Variants in OTUD7A observed in about 807,000 individuals in gnomAD.
OTUD7A encodes the protein OTU deubiquitinase 7A.
In OTUD7A, 12 loss-of-function variants were observed where a neutral mutation model predicts 65.7. The observed-to-expected ratio is 0.18, with a 90% confidence interval of 0.12 to 0.30. The LOEUF is 0.30. Among genes scored for constraint, OTUD7A ranks in the 10% least tolerant of loss-of-function variants. OTUD7A has a pLI of 1.00. For synonymous variants in OTUD7A, 641 were observed against 586.3 expected (o/e 1.09, Z -1.35); for missense variants, 1,148 against 1,304.8 (o/e 0.88, Z 1.85).
chr15:31,515,090 G>A (rs958385924), intron 8 of OTUD7A, among the ~76,000 whole-genome samples: 6 of 152,158 alleles, frequency 3.9e-5, no homozygotes, highest in Non-Finnish European at 8.8e-5. Context: ...AACAGCACAG[G>A]GGGAGAGAAT....
intron 8 of OTUD7A, among the ~76,000 whole-genome samples, 169 bp from the exon 9 acceptor site, chr15:31,503,987 C>T (rs1380713318): frequency 6.6e-6 from 1 of 152,212 alleles, no homozygotes; most frequent in East Asian, 1.9e-4. Flanking sequence ...CCGCCGATGG[C>T]AAATGCACAG....
At chr15:31,679,816 A>T (rs1488131043) in intron 1 of OTUD7A, among the ~76,000 whole-genome samples, 5 of 152,226 alleles carry the variant, frequency 3.3e-5, no homozygotes, top group Non-Finnish European at 5.9e-5. Context: ...GATAAAACTG[A>T]TAATAGCAAA....
intron 3 of OTUD7A, among the ~76,000 whole-genome samples, chr15:31,594,681 T>C (rs1889850655): frequency 6.6e-6 from 1 of 152,224 alleles, no homozygotes; most frequent in Non-Finnish European, 1.5e-5. Flanking sequence ...GCTGGATCTC[T>C]ATGTCTACAA....
At chr15:31,547,244 G>A (rs1447205151) in intron 5 of OTUD7A, among the ~76,000 whole-genome samples, 6 of 151,582 alleles carry the variant, frequency 4.0e-5, no homozygotes, top group African/African-American at 1.4e-4. Flanking sequence ...ATGCAAAAGA[G>A]TATGTCTGAA....
intron 3 of OTUD7A, among the ~76,000 whole-genome samples, chr15:31,621,794 C>T (rs183786557): frequency 0.26 from 36,629 of 141,502 alleles, 5,921 homozygotes; most frequent in African/African-American, 0.44. Context: ...ATGTGTGAAT[C>T]TGATACTGCC....
At chr15:31,633,268 C>G (rs1489399923) in intron 3 of OTUD7A, among the ~76,000 whole-genome samples, 1 of 152,136 alleles carries the variant, frequency 6.6e-6, no homozygotes, top group Non-Finnish European at 1.5e-5. Flanking sequence ...CTTGGCTCCA[C>G]CCCCCTGTAT....
At chr15:31,694,820 C>A (rs1893037320) in intron 1 of OTUD7A, among the ~76,000 whole-genome samples, 1 of 152,028 alleles carries the variant, frequency 6.6e-6, no homozygotes, top group South Asian at 2.1e-4. Context: ...GAATATTATC[C>A]ATTGTGTATT....
intron 4 of OTUD7A, among the ~76,000 whole-genome samples, chr15:31,568,060 C>T (rs1888932009): frequency 6.6e-6 from 1 of 152,260 alleles, no homozygotes; most frequent in Non-Finnish European, 1.5e-5. Context: ...TTGGAGGCCC[C>T]ACACAGAGTC....
chr15:31,793,599 C>T (rs58350992), intron 1 of OTUD7A, among the ~76,000 whole-genome samples: 3,551 of 152,346 alleles, frequency 0.023, 131 homozygotes, highest in African/African-American at 0.081. Context: ...TACGAAGGTG[C>T]CATTTTCTTA....
intron 1 of OTUD7A, among the ~76,000 whole-genome samples, chr15:31,753,946 T>C (rs925223222): frequency 6.6e-6 from 1 of 151,890 alleles, no homozygotes; most frequent in African/African-American, 2.4e-5. Context: ...TCCACACTGT[T>C]TTCCATAGTG....
chr15:31,627,419 C>A (rs189943256), intron 3 of OTUD7A, among the ~76,000 whole-genome samples: 3,123 of 152,098 alleles, frequency 0.021, 101 homozygotes, highest in African/African-American at 0.072. Context: ...AGGACATGAA[C>A]TCACCATTTT....
chr15:31,790,911 G>A (rs1252028440), intron 1 of OTUD7A, among the ~76,000 whole-genome samples: 1 of 152,200 alleles, frequency 6.6e-6, no homozygotes, highest in Non-Finnish European at 1.5e-5. Context: ...CTTGACAATG[G>A]AGACACCTAT....
At chr15:31,833,965 A>G (rs1896995292) in intron 1 of OTUD7A, among the ~76,000 whole-genome samples, 2 of 152,218 alleles carry the variant, frequency 1.3e-5, no homozygotes, top group African/African-American at 4.8e-5. Flanking sequence ...CACATTCTTC[A>G]GAGCCTTTCT....
intron 1 of OTUD7A, among the ~76,000 whole-genome samples, chr15:31,696,633 T>C (rs1444384499): frequency 2.0e-5 from 3 of 147,802 alleles, no homozygotes; most frequent in African/African-American, 7.5e-5. Flanking sequence ...TGTGTCCCAG[T>C]GCTCAGAGGC....
chr15:31,562,979 T>A (rs1403129539), intron 4 of OTUD7A, among the ~76,000 whole-genome samples: 1 of 152,206 alleles, frequency 6.6e-6, no homozygotes, highest in Non-Finnish European at 1.5e-5. Flanking sequence ...TAAATTTAAT[T>A]CAGAAACTCT....
At chr15:31,817,649 GT>G (rs1045015273) in intron 1 of OTUD7A, among the ~76,000 whole-genome samples, 6 of 152,116 alleles carry the variant, frequency 3.9e-5, no homozygotes, top group East Asian at 1.9e-4. Flanking sequence ...AGCTTCCTGG[GT>G]TTTTGGTAAG....
chr15:31,752,551 A>G (rs1188007721), intron 1 of OTUD7A, among the ~76,000 whole-genome samples: 1 of 152,118 alleles, frequency 6.6e-6, no homozygotes, highest in Non-Finnish European at 1.5e-5. Flanking sequence ...TTCATGCATA[A>G]TTTTGCTACA....
At position 31,481,956 on chromosome 15, in the gene OTUD7A, T is replaced by C. The variant is rs760026016; in HGVS notation, c.*1338A>G. The C allele has an allele frequency of 1.3e-5, 2 of 152,236 alleles. No individual in the cohort carries two copies. Among genetic ancestry groups the C allele is most frequent in the Non-Finnish European group, 2.9e-5 (2 of 68,036 alleles). 9.4% of individuals were successfully genotyped at this position (152,236 alleles called of 1,614,324 possible). ...TAGTATTCTTTGTTAGTGAGGATTT[T>C]ACCCATCTTATCCTCATTTCTTGGA... On this transcript the variant is annotated 3_prime_UTR_variant, in exon 13 of 13. Coordinates refer to ENST00000307050, the MANE Select transcript of OTUD7A (RefSeq NM_001382637.1).
chr15:31,627,817 C>T (rs1192609211), intron 3 of OTUD7A, among the ~76,000 whole-genome samples: 6 of 152,038 alleles, frequency 3.9e-5, no homozygotes, highest in South Asian at 2.1e-4. Flanking sequence ...ATTGTGGTTT[C>T]GATTTGCATT....
Sources: allele counts gnomAD v4.1 joint callset (sites outside exome capture counted in the v4.1 genomes callset), GRCh38; gene constraint gnomAD v4.1.1; transcripts MANE v1.5; gene names NCBI Gene and HGNC (gene_info 2026-07-23, HGNC 2026-07-21).